The following MDGA2 variants were observed in gnomAD, a reference collection of about 807,000 sequenced individuals.
MDGA2 encodes the protein MAM domain containing glycosylphosphatidylinositol anchor 2, also known as MAM domain-containing glycosylphosphatidylinositol anchor protein 2.
Under a neutral mutation model 117.8 loss-of-function variants are expected in MDGA2, and 40 were observed. That is an observed-to-expected ratio of 0.34 (90% CI 0.26 to 0.44). The LOEUF is 0.44. Among genes scored for constraint, MDGA2 ranks in the 20% least tolerant of loss-of-function variants. MDGA2 has a pLI of 1.00. For missense variants in MDGA2, 1,123 were observed against 1,250.6 expected (o/e 0.90, Z 1.54); for synonymous variants, 452 against 439.0 (o/e 1.03, Z -0.37).
chr14:47,451,115 C>T (rs1004775289), intron 1 of MDGA2, among the ~76,000 whole-genome samples: 2 of 152,070 alleles, frequency 1.3e-5, no homozygotes, highest in Admixed American at 6.6e-5. Flanking sequence ...CCTTCATAAT[C>T]ACTGAAATAA....
intron 3 of MDGA2, among the ~76,000 whole-genome samples, chr14:47,168,707 T>G (rs1342450354): frequency 6.6e-6 from 1 of 152,100 alleles, no homozygotes; most frequent in Non-Finnish European, 1.5e-5. Flanking sequence ...AAGTTCATTT[T>G]AAGAAACTGC....
At chr14:47,118,011 T>C (rs949025180) in intron 5 of MDGA2, among the ~76,000 whole-genome samples, 1 of 152,198 alleles carries the variant, frequency 6.6e-6, no homozygotes, top group African/African-American at 2.4e-5. Context: ...TAGAAGCCAA[T>C]TTACTGAACT....
intron 9 of MDGA2, among the ~76,000 whole-genome samples, chr14:46,956,427 G>C (rs17117835): frequency 0.062 from 9,488 of 151,988 alleles, 553 homozygotes; most frequent in Admixed American, 0.18. Flanking sequence ...ATGACATAAA[G>C]AGTCAATACT....
intron 1 of MDGA2, among the ~76,000 whole-genome samples, chr14:47,318,808 A>AGC (rs1464433012): frequency 4.3e-5 from 6 of 140,802 alleles, no homozygotes; most frequent in African/African-American, 1.6e-4. Flanking sequence ...AAAGGGAGGA[A>AGC]AGAAGGAAGG....
Position 46,977,044 on chromosome 14 carries a change from C to T in MDGA2, c.1820-19401G>A, listed in dbSNP as rs562888550. The stretch of plus-strand genomic sequence containing the variant: ...AATTATGTTACTAATGACATGGAGA[C>T]CAAATTCTCAATTCTTTATTATTTA... On this transcript the variant is annotated intron_variant, in intron 8 of 16. Coordinates refer to ENST00000399232, the MANE Select transcript of MDGA2 (RefSeq NM_001113498.3). Among the ~76,000 whole-genome samples, 30 of 151,858 alleles carry T rather than the reference C, an allele frequency of 2.0e-4. 1 individual carries two copies. Among genetic ancestry groups the T allele is most frequent in the Admixed American group, 1.2e-3 (18 of 15,226 alleles).
intron 1 of MDGA2, among the ~76,000 whole-genome samples, chr14:47,371,640 A>G (rs1166443699): frequency 6.6e-6 from 1 of 151,766 alleles, no homozygotes; most frequent in Non-Finnish European, 1.5e-5. Flanking sequence ...AAGAAGTATT[A>G]TATGAATTTT....
chr14:47,607,635 A>C (rs976509980), intron 1 of MDGA2, among the ~76,000 whole-genome samples: 3 of 152,134 alleles, frequency 2.0e-5, no homozygotes, highest in Non-Finnish European at 2.9e-5. Context: ...AGGGGGTTAG[A>C]GGGTCCTTGC....
chr14:47,668,301 G>A (rs942643664), intron 1 of MDGA2, among the ~76,000 whole-genome samples: 1 of 152,168 alleles, frequency 6.6e-6, no homozygotes, highest in African/African-American at 2.4e-5. Flanking sequence ...GTATAAAACG[G>A]AAATAATTAA....
chr14:47,237,990 T>C, intron 2 of MDGA2, among the ~76,000 whole-genome samples: 1 of 152,118 alleles, frequency 6.6e-6, no homozygotes, highest in East Asian at 1.9e-4. Flanking sequence ...CCAGGCCCTA[T>C]ATCCTTCCTC....
At chr14:47,508,759 A>T (rs549806754) in intron 1 of MDGA2, among the ~76,000 whole-genome samples, 2 of 152,140 alleles carry the variant, frequency 1.3e-5, no homozygotes, top group African/African-American at 2.4e-5. Flanking sequence ...GGCTCACTGC[A>T]AGCTCCGCCT....
intron 1 of MDGA2, among the ~76,000 whole-genome samples, chr14:47,668,724 A>G (rs779323537): frequency 3.3e-5 from 5 of 152,248 alleles, no homozygotes; most frequent in Non-Finnish European, 7.3e-5. Flanking sequence ...TACTTTAAAT[A>G]TATGCAATAT....
rs571167862 is a variant in MDGA2 at position 47,415,074 on chromosome 14, A to C, written c.281-113524T>G. On this transcript the variant is annotated intron_variant, in intron 1 of 16. Transcript: ENST00000399232. ...TTAACACCAATAAACTAATGTTACT[A>C]TTCTGATGTGATGAAGACTCTTTGG... Among the ~76,000 whole-genome samples the C allele has an allele frequency of 4.7e-4, 72 of 152,260 alleles. 1 individual carries two copies. The South Asian group carries it at 0.014, about 30-fold the overall frequency.
At chr14:47,365,263 A>G (rs1346109318) in intron 1 of MDGA2, among the ~76,000 whole-genome samples, 2 of 152,230 alleles carry the variant, frequency 1.3e-5, no homozygotes, top group African/African-American at 4.8e-5. Context: ...GCACAGCTGG[A>G]AAATGTGCAT....
chr14:47,631,880 G>A (rs1429267182), intron 1 of MDGA2, among the ~76,000 whole-genome samples: 4 of 151,278 alleles, frequency 2.6e-5, no homozygotes, highest in African/African-American at 4.9e-5. Flanking sequence ...TTTGAATGCC[G>A]CCCATCACAA....
intron 1 of MDGA2, among the ~76,000 whole-genome samples, chr14:47,377,272 G>T (rs552855802): frequency 3.0e-4 from 46 of 152,224 alleles, no homozygotes; most frequent in African/African-American, 9.9e-4. Context: ...AATAGAAACA[G>T]CTCCAGTCTA....
Position 47,110,383 on chromosome 14 carries a change from G to A in MDGA2, c.926-13260C>T, listed in dbSNP as rs371714082. ...CAAGATTTAAAGCTCTTTTCTGAGT[G>A]TAAAATAGCAACAGCAGAAGAGATA... On this transcript the variant is annotated intron_variant, in intron 5 of 16. Coordinates refer to ENST00000399232, the MANE Select transcript of MDGA2 (RefSeq NM_001113498.3). 2.6e-4 allele frequency among the ~76,000 whole-genome samples: 40 copies of A among 152,262 alleles called. 1 individual carries two copies. The East Asian group carries it at 6.8e-3, about 26-fold the overall frequency.
chr14:47,448,590 T>A (rs1893176667), intron 1 of MDGA2, among the ~76,000 whole-genome samples: 1 of 152,176 alleles, frequency 6.6e-6, no homozygotes, highest in South Asian at 2.1e-4. Flanking sequence ...AAGGGTGGTG[T>A]ACCCTAAGTT....
chr14:47,018,031 G>A (rs1482614246), intron 8 of MDGA2, among the ~76,000 whole-genome samples: 1 of 152,060 alleles, frequency 6.6e-6, no homozygotes, highest in Non-Finnish European at 1.5e-5. Flanking sequence ...ACTAGTACAT[G>A]CAGAAACATA....
At chr14:47,018,931 C>A (rs903325635) in intron 8 of MDGA2, among the ~76,000 whole-genome samples, 1 of 152,050 alleles carries the variant, frequency 6.6e-6, no homozygotes, top group African/African-American at 2.4e-5. Context: ...CCTCTGTGTT[C>A]ACATGGCACC....
Sources: gnomAD v4.1 joint callset for allele counts (sites outside exome capture counted in the v4.1 genomes callset) on GRCh38, gnomAD v4.1.1 for gene constraint, MANE v1.5 for transcripts, NCBI Gene and HGNC (gene_info 2026-07-23, HGNC 2026-07-21) for gene names.